Variants in GTF2H2 observed in about 807,000 individuals in gnomAD.
The protein encoded by GTF2H2 is TFIIH basal transcription factor complex p44 subunit.
Under a neutral mutation model 16.5 loss-of-function variants are expected in GTF2H2, and 2 were observed. The observed-to-expected ratio is 0.12, with a 90% CI of 0.05 to 0.38. The LOEUF (loss-of-function observed/expected upper bound fraction) is 0.38, where lower values mean the gene tolerates loss of function less well. Among genes scored for constraint, GTF2H2 ranks in the 10% least tolerant of loss-of-function variants. The probability of loss-of-function intolerance (pLI) is 0.99; values close to 1 mark genes in which losing one functional copy is unlikely to be tolerated. For synonymous variants in GTF2H2, 8 were observed against 44.1 expected, an observed-to-expected ratio of 0.18 and a Z score of 3.24; for missense variants, 20 against 137.0, an observed-to-expected ratio of 0.15 and a Z score of 4.26.
intron 8 of GTF2H2, among the ~76,000 whole-genome samples, chr5:71,052,888 A>G (rs1440467067): frequency 1.2e-5 from 1 of 81,728 alleles, no homozygotes; most frequent in Non-Finnish European, 2.3e-5. Flanking sequence ...GGGACTACAT[A>G]CAGGTGCTCG....
chr5:71,058,442 G>C (rs1163192665), intron 7 of GTF2H2: 2 of 139,100 alleles, frequency 1.4e-5, no homozygotes, highest in Non-Finnish European at 3.1e-5. Flanking sequence ...TGGATGGGCA[G>C]ATCGTAACTC....
Position 71,052,915 on chromosome 5 carries a change from A to ATTTT in GTF2H2, c.470+2433_470+2436dup, listed in dbSNP as rs1241503525. On this transcript the variant is annotated intron_variant, in intron 8 of 15. Transcript: ENST00000274400. ...AGGTGCTCGCCACTGTGCCTGGCTA[A>ATTTT]TTTTTTTTTTTTTTTTTTTTTTTTT... Among the ~76,000 whole-genome samples, 253 of 44,048 alleles carry ATTTT rather than the reference A, an allele frequency of 5.7e-3. 2 individuals carry two copies. Among genetic ancestry groups the ATTTT allele is most frequent in the Non-Finnish European group, 7.4e-3 (198 of 26,886 alleles). The allele number at this position is 44,048 out of a possible 152,430, so 28.9% of individuals were successfully genotyped here. A position where few individuals can be genotyped will look rare whatever the true frequency, so the allele number is the denominator to read the frequency against.
rs1175801840 is a variant in GTF2H2, at chr5:71,038,273, A to T, written c.1029-727T>A. 1.1e-4 allele frequency among the ~76,000 whole-genome samples: 8 copies of T among 69,780 alleles called. 1 individual carries two copies. The highest frequency in any genetic ancestry group is 1.6e-4 in the African/African-American group (3 of 18,260). 45.8% of individuals were successfully genotyped at this position (69,780 alleles called of 152,430 possible). A position where few individuals can be genotyped will look rare whatever the true frequency, so the allele number is the denominator to read the frequency against. Reference sequence around the variant, plus strand: ...TATCTCCATGCCTGGCTAATTTTTTATTGAGGCAGGGTCTCGCTATATTGC... The same window carrying T: ...TATCTCCATGCCTGGCTAATTTTTTTTTGAGGCAGGGTCTCGCTATATTGC... On this transcript the variant is annotated intron_variant, in intron 14 of 15. Coordinates refer to ENST00000274400, the Ensembl canonical transcript of GTF2H2.
intron 8 of GTF2H2, among the ~76,000 whole-genome samples, chr5:71,052,928 T>G (rs1752874640): frequency 9.5e-6 from 1 of 104,818 alleles, no homozygotes; most frequent in African/African-American, 4.1e-5. Context: ...TTTTTTTTTT[T>G]TTTTTTTTTT....
exon 5 of GTF2H2, chr5:71,060,922 G>T (rs1414759030): frequency 5.3e-5 from 1 of 18,736 alleles, no homozygotes; most frequent in Admixed American, 6.4e-4. Context: ...CCACATAAAG[G>T]TGGCGCATCT....
At chr5:71,064,363 AAAAC>A (rs1466221527) in intron 1 of GTF2H2, among the ~76,000 whole-genome samples, 3 of 96,270 alleles carry the variant, frequency 3.1e-5, no homozygotes, top group African/African-American at 3.4e-5. Flanking sequence ...AAAACAAAAC[AAAAC>A]AAACAAACAC....
chr5:71,046,135 T>A (rs199510530), intron 11 of GTF2H2, among the ~76,000 whole-genome samples: 68,243 of 108,312 alleles, frequency 0.63, 23,108 homozygotes, highest in East Asian at 0.87. Context: ...AAACCATTTT[T>A]AAAAAGATAT....
At chr5:71,054,748 T>C (rs1330103035) in intron 8 of GTF2H2, among the ~76,000 whole-genome samples, 1 of 132,888 alleles carries the variant, frequency 7.5e-6, no homozygotes, top group Admixed American at 8.0e-5. Flanking sequence ...TGTGTGTGTG[T>C]GTGTATATAT....
chr5:71,039,853 T>G (rs1380785305), intron 14 of GTF2H2, among the ~76,000 whole-genome samples: 1 of 95,356 alleles, frequency 1.0e-5, no homozygotes. Flanking sequence ...TGGCTAAATG[T>G]GGGAAAACAA....
At position 71,055,271 on chromosome 5, in the gene GTF2H2, G is replaced by C. The variant is rs968196894; in HGVS notation, c.470+81C>G. On this transcript the variant is annotated intron_variant, in intron 8 of 15. Transcript: ENST00000274400. ...ACAATTTTGTTATAGCTGGGTTTAT[G>C]GGCCCCATATTAACACATCACTTCA... The C allele has an allele frequency of 5.1e-6, 7 of 1,360,392 alleles. 1 individual carries two copies. The African/African-American group carries it at 9.8e-5, about 19-fold the overall frequency. The allele number at this position is 1,360,392 out of a possible 1,614,324, so 84.3% of individuals were successfully genotyped here. A position where few individuals can be genotyped will look rare whatever the true frequency, so the allele number is the denominator to read the frequency against.
intron 8 of GTF2H2, 183 bp downstream of exon 8, chr5:71,055,169 A>C (rs1753114523): frequency 2.1e-6 from 1 of 484,132 alleles, no homozygotes; most frequent in Non-Finnish European, 3.5e-6. Context: ...ACAATATCTT[A>C]CTAAAATGTA....
intron 7 of GTF2H2, 99 bp from the exon 8 acceptor site, chr5:71,055,556 C>CT: frequency 2.1e-6 from 2 of 968,594 alleles, no homozygotes; most frequent in Non-Finnish European, 2.8e-6. Context: ...GAACAGAATC[C>CT]TTTCAATGTA....
At chr5:71,052,920 T>TGC in intron 8 of GTF2H2, among the ~76,000 whole-genome samples, 1 of 76,710 alleles carries the variant, frequency 1.3e-5, no homozygotes, top group Non-Finnish European at 2.6e-5. Context: ...GGCTAATTTT[T>TGC]TTTTTTTTTT....
rs2457872 is a variant in GTF2H2, at chr5:71,054,421, G to A, written c.470+931C>T. Among the ~76,000 whole-genome samples, 77 of 145,790 alleles carry A rather than the reference G, an allele frequency of 5.3e-4. 10 individuals are homozygous for A. The highest frequency in any genetic ancestry group is 1.7e-3 in the African/African-American group (65 of 38,148). On this transcript the variant is annotated intron_variant, in intron 8 of 15. Transcript: ENST00000274400. Reference sequence around the variant, plus strand: ...TAAAGGTATAAGTCTGAGCCAGGGCGGACTATCCAGAGATAAAATATATAA... The same window carrying A: ...TAAAGGTATAAGTCTGAGCCAGGGCAGACTATCCAGAGATAAAATATATAA...
At position 71,054,569 on chromosome 5, in the gene GTF2H2, C is replaced by T. The variant is rs548661606; in HGVS notation, c.470+783G>A. Among the ~76,000 whole-genome samples the T allele has an allele frequency of 4.6e-4, 66 of 143,098 alleles. 5 individuals are homozygous for T. Among genetic ancestry groups the T allele is most frequent in the Non-Finnish European group, 1.8e-4 (12 of 65,832 alleles). The allele number at this position is 143,098 out of a possible 152,430, so 93.9% of individuals were successfully genotyped here. A position where few individuals can be genotyped will look rare whatever the true frequency, so the allele number is the denominator to read the frequency against. On this transcript the variant is annotated intron_variant, in intron 8 of 15. Transcript: ENST00000274400. ...AATTGGCTGGGCATGGTGGCACACACCTGTAATCCCAGCACTAGGGAGGCT... is the reference window on the plus strand; with the variant it reads ...AATTGGCTGGGCATGGTGGCACACATCTGTAATCCCAGCACTAGGGAGGCT...
rs1751703320 is a variant in GTF2H2, at chr5:71,035,360, ATATT to A, written c.*313_*316del. 3 of 33,838 alleles carry A rather than the reference ATATT, an allele frequency of 8.9e-5. 1 individual carries two copies. The highest frequency in any genetic ancestry group is 4.0e-3 in the South Asian group (2 of 494). 2.1% of individuals were successfully genotyped at this position (33,838 alleles called of 1,614,324 possible). A position where few individuals can be genotyped will look rare whatever the true frequency, so the allele number is the denominator to read the frequency against. On this transcript the variant is annotated 3_prime_UTR_variant, in exon 16 of 16. Coordinates refer to ENST00000274400, the Ensembl canonical transcript of GTF2H2. ...AATTAACATAAATCATAAAGATTCT[ATATT>A]TAATTATAAAAACATAAAATTATCA... is the stretch of plus-strand genomic sequence containing the variant.
intron 11 of GTF2H2, among the ~76,000 whole-genome samples, chr5:71,046,432 A>G (rs1752354097): frequency 1.2e-5 from 1 of 85,672 alleles, no homozygotes; most frequent in Non-Finnish European, 2.2e-5. Context: ...GAAACACACA[A>G]TAAGGTTGAT....
chr5:71,058,527 GAGACATCTTTTCA>G (rs1753444469), intron 7 of GTF2H2: 1 of 142,434 alleles, frequency 7.0e-6, no homozygotes, highest in Admixed American at 7.1e-5. Context: ...GGACAATTAA[GAGACATCTTTTCA>G]ACTTCCAGAA....
intron 11 of GTF2H2, among the ~76,000 whole-genome samples, chr5:71,047,152 TG>T (rs1328126433): frequency 7.2e-6 from 1 of 138,934 alleles, no homozygotes; most frequent in East Asian, 2.3e-4. Context: ...AGTCTTGCTC[TG>T]TCACCCAGAC....
Sources: gnomAD v4.1 joint callset for allele counts (sites outside exome capture counted in the v4.1 genomes callset) on GRCh38, gnomAD v4.1.1 for gene constraint, MANE v1.5 for transcripts, NCBI Gene and HGNC (gene_info 2026-07-23, HGNC 2026-07-21) for gene names.